MNAT1: variants seen among roughly 807,000 people sequenced by gnomAD.
MNAT1 encodes MNAT1 component of CDK activating kinase, also known as CDK-activating kinase assembly factor MAT1.
Under a neutral mutation model 42.0 loss-of-function variants are expected in MNAT1, and 43 were observed. That is an observed-to-expected ratio of 1.02 (90% CI 0.80 to 1.32). The LOEUF (loss-of-function observed/expected upper bound fraction) is 1.32, where lower values mean the gene tolerates loss of function less well. MNAT1 is among the 40% of genes most tolerant of loss of function. The probability of loss-of-function intolerance (pLI) is 0.00; values close to 1 mark genes in which losing one functional copy is unlikely to be tolerated. For synonymous variants in MNAT1, 118 were observed against 120.0 expected, an observed-to-expected ratio of 0.98 and a Z score of 0.11; for missense variants, 306 against 350.4, an observed-to-expected ratio of 0.87 and a Z score of 1.01.
intron 7 of MNAT1, among the ~76,000 whole-genome samples, chr14:60,961,252 G>A (rs1052247391): frequency 2.6e-5 from 4 of 152,170 alleles, no homozygotes; most frequent in South Asian, 2.1e-4. Context: ...ATGAGCCACC[G>A]CGCCCGGCCA....
chr14:60,954,525 T>A (rs1216638440), intron 7 of MNAT1, among the ~76,000 whole-genome samples: 2 of 152,124 alleles, frequency 1.3e-5, no homozygotes, highest in African/African-American at 4.8e-5. Context: ...GATTGTTTTC[T>A]TGATTTCTTC....
At chr14:60,894,137 G>A (rs1034502889) in intron 7 of MNAT1, among the ~76,000 whole-genome samples, 3 of 152,096 alleles carry the variant, frequency 2.0e-5, no homozygotes, top group South Asian at 4.1e-4. Flanking sequence ...CCCTAGGTGT[G>A]AGTTGGTTTC....
chr14:60,789,112 T>A (rs1416325387), intron 1 of MNAT1, among the ~76,000 whole-genome samples: 1 of 152,148 alleles, frequency 6.6e-6, no homozygotes, highest in Non-Finnish European at 1.5e-5. Flanking sequence ...TTTTTTCACC[T>A]GAACACCTAA....
At chr14:60,940,089 A>G (rs2036108541) in intron 7 of MNAT1, among the ~76,000 whole-genome samples, 1 of 152,014 alleles carries the variant, frequency 6.6e-6, no homozygotes, top group Non-Finnish European at 1.5e-5. Flanking sequence ...TGTTTGGTAG[A>G]TCTTCCTCCA....
At chr14:60,960,074 T>C (rs1005976641) in intron 7 of MNAT1, among the ~76,000 whole-genome samples, 1 of 152,344 alleles carries the variant, frequency 6.6e-6, no homozygotes, top group South Asian at 2.1e-4. Context: ...TTTGGTTGTT[T>C]CTGTTGTTCT....
chr14:60,779,960 G>T, intron 1 of MNAT1: 2 of 1,515,210 alleles, frequency 1.3e-6, no homozygotes, highest in East Asian at 2.3e-5. Flanking sequence ...TTGTGTCCCT[G>T]GCCATGTGTC....
intron 1 of MNAT1, among the ~76,000 whole-genome samples, chr14:60,774,999 A>G (rs2031197397): frequency 6.6e-6 from 1 of 152,202 alleles, no homozygotes; most frequent in South Asian, 2.1e-4. Context: ...TCAGGGCCGT[A>G]ATCAGATTTG....
chr14:60,830,220 T>C (rs1315019243), intron 6 of MNAT1, among the ~76,000 whole-genome samples: 1 of 152,170 alleles, frequency 6.6e-6, no homozygotes, highest in East Asian at 1.9e-4. Context: ...AGCAAAAGAA[T>C]GGAGGGTATG....
intron 7 of MNAT1, among the ~76,000 whole-genome samples, chr14:60,906,001 T>C (rs1268401418): frequency 1.3e-5 from 2 of 152,192 alleles, no homozygotes; most frequent in Non-Finnish European, 2.9e-5. Context: ...GATAAAAGGA[T>C]GGATAGTGAT....
At chr14:60,957,258 C>T (rs1022817675) in intron 7 of MNAT1, among the ~76,000 whole-genome samples, 3 of 152,068 alleles carry the variant, frequency 2.0e-5, no homozygotes, top group South Asian at 2.1e-4. Context: ...TACTTTTACT[C>T]TCGGTATTAG....
At chr14:60,846,372 C>A (rs555214253) in intron 6 of MNAT1, among the ~76,000 whole-genome samples, 22 of 151,968 alleles carry the variant, frequency 1.4e-4, no homozygotes, top group African/African-American at 4.6e-4. Context: ...AAAGAATCAA[C>A]CTTGGTTTTA....
At chr14:60,757,858 T>C (rs936185834) in intron 1 of MNAT1, among the ~76,000 whole-genome samples, 2 of 152,224 alleles carry the variant, frequency 1.3e-5, no homozygotes, top group African/African-American at 4.8e-5. Flanking sequence ...TGACTTCCTG[T>C]GTACAAGGAG....
chr14:60,952,167 A>C (rs912249851), intron 7 of MNAT1, among the ~76,000 whole-genome samples: 6 of 152,184 alleles, frequency 3.9e-5, no homozygotes, highest in African/African-American at 1.4e-4. Flanking sequence ...GGGTAACAGA[A>C]AACCTCACAG....
intron 7 of MNAT1, among the ~76,000 whole-genome samples, chr14:60,908,365 C>A (rs556854385): frequency 4.6e-5 from 7 of 151,962 alleles, no homozygotes; most frequent in African/African-American, 1.7e-4. Flanking sequence ...TATATGTGTA[C>A]AACGTGCAGG....
chr14:60,813,254 G>A (rs558241882), intron 5 of MNAT1, among the ~76,000 whole-genome samples: 10 of 152,258 alleles, frequency 6.6e-5, no homozygotes, highest in African/African-American at 1.9e-4. Context: ...GTCTGACTGC[G>A]GGCCCCATGC....
intron 1 of MNAT1, among the ~76,000 whole-genome samples, chr14:60,737,241 T>G (rs1203303852): frequency 6.6e-6 from 1 of 152,108 alleles, no homozygotes; most frequent in Non-Finnish European, 1.5e-5. Context: ...AAGGTAAAAA[T>G]TTCTGTGGTT....
intron 6 of MNAT1, among the ~76,000 whole-genome samples, chr14:60,829,202 G>A (rs1434398977): frequency 1.3e-5 from 2 of 152,028 alleles, no homozygotes; most frequent in African/African-American, 4.8e-5. Context: ...GGACCACCCA[G>A]CCATCTTATT....
chr14:60,832,165 C>T (rs1053947986), intron 6 of MNAT1, among the ~76,000 whole-genome samples: 4 of 152,168 alleles, frequency 2.6e-5, no homozygotes, highest in African/African-American at 9.7e-5. Flanking sequence ...TTTTGCTGTG[C>T]AGAAGCTCTT....
chr14:60,894,863 C>T (rs913735181), intron 7 of MNAT1, among the ~76,000 whole-genome samples: 1 of 152,174 alleles, frequency 6.6e-6, no homozygotes, highest in Non-Finnish European at 1.5e-5. Flanking sequence ...TACAAATAAA[C>T]ATGTATACAC....
Sources: allele counts gnomAD v4.1 joint callset (sites outside exome capture counted in the v4.1 genomes callset), GRCh38; gene constraint gnomAD v4.1.1; transcripts MANE v1.5; gene names NCBI Gene and HGNC (gene_info 2026-07-23, HGNC 2026-07-21).